Variants in CEP152 observed in about 807,000 individuals in gnomAD.
The protein encoded by CEP152 is centrosomal protein of 152 kDa.
CEP152 carries 132 observed loss-of-function variants against 188.9 expected under a neutral mutation model. That is an observed-to-expected ratio of 0.70 (90% confidence interval 0.61 to 0.81). CEP152 has a LOEUF of 0.81. Among genes scored for constraint, CEP152 ranks in the 30% least tolerant of loss-of-function variants. The pLI is 0.00. For synonymous variants in CEP152, 649 were observed against 666.6 expected, an observed-to-expected ratio of 0.97 and a Z score of 0.41; for missense variants, 1,914 against 1,969.8, an observed-to-expected ratio of 0.97 and a Z score of 0.54.
chr15:48,797,145 C>G (rs142009328), intron 5 of CEP152, among the ~76,000 whole-genome samples, 156 bp downstream of exon 5: 170 of 152,356 alleles, frequency 1.1e-3, no homozygotes, highest in African/African-American at 4.0e-3. Context: ...AATACCATGA[C>G]TAATTCACCA....
At chr15:48,768,128 C>T in intron 15 of CEP152, 91 bp downstream of exon 15, 1 of 789,124 alleles carries the variant, frequency 1.3e-6, no homozygotes, top group Non-Finnish European at 2.3e-6. Flanking sequence ...ATCACTCAAT[C>T]ATTTTGAATC....
intron 14 of CEP152, 101 bp downstream of exon 14, chr15:48,768,855 T>C: frequency 1.2e-6 from 1 of 853,686 alleles, no homozygotes; most frequent in Non-Finnish European, 1.8e-6. Context: ...ACTTGTCTAC[T>C]AACTCACATT....
chr15:48,780,540 T>G (rs1012366553), intron 12 of CEP152, among the ~76,000 whole-genome samples: 2 of 152,200 alleles, frequency 1.3e-5, no homozygotes, highest in Non-Finnish European at 2.9e-5. Flanking sequence ...CATCTTAAAC[T>G]ATAAACAAAA....
chr15:48,742,033 C>T lies in CEP152; in HGVS notation c.3903G>A (p.Leu1301=). Residue 1301 remains leucine (L), a synonymous_variant, in exon 25 of 27, where the codon CTG becomes CTA. Transcript: ENST00000380950. ...RAAEMVKAEV[L]RERQETARKM... ...TTCGGGCGGTTTCTTGACGTTCTCG[C>T]AGTACCTCTGCTTTTACCATTTCTG... The T allele has an allele frequency of 6.2e-7, 1 of 1,614,130 alleles. No homozygotes were observed. The highest frequency in any genetic ancestry group is 8.5e-7 in the Non-Finnish European group (1 of 1,180,010).
Position 48,767,400 on chromosome 15 carries a change from T to G in CEP152, c.2082A>C (p.Leu694Phe), listed in dbSNP as rs190580372. 3.1e-6 allele frequency: 5 copies of G among 1,614,192 alleles called. No homozygotes were observed. The East Asian group carries it at 1.1e-4, about 36-fold the overall frequency. The part of the protein sequence containing the change: ...AMKTQIRESL[L>F]AKHALEKQQL... ...GCTGCTTCTCCAAAGCATGCTTTGC[T>G]AATAGGCTTTCACGTATTTGAGTTT... Residue 694 changes from leucine (L) to phenylalanine (F), a missense_variant, in exon 16 of 27, where the codon TTA becomes TTC. Coordinates refer to ENST00000380950, the MANE Select transcript of CEP152 (RefSeq NM_001194998.2).
At chr15:48,783,002 T>C (rs535628118) in intron 10 of CEP152, among the ~76,000 whole-genome samples, 1 of 152,280 alleles carries the variant, frequency 6.6e-6, no homozygotes, top group Non-Finnish European at 1.5e-5. Context: ...ATTTAGGCAG[T>C]CTTTGACTTT....
In CEP152 at chr15:48,797,523, T is replaced by C. The variant is rs180930731; in HGVS notation, c.318A>G (p.Glu106=). The change falls in exon 5 of 27, where the codon GAA becomes GAG. Residue 106 remains glutamate (E), a synonymous_variant. Transcript: ENST00000380950. ...YAGEKCGNVW[E]ENRSKTEDRH... is the part of the protein sequence containing the mutation. ...GGTCTTCAGTTTTACTTCTATTTTC[T>C]TCCCAGACATTACCACATTTTTCTC... is the stretch of plus-strand genomic sequence containing the variant. 785 of 1,614,124 alleles carry C rather than the reference T, an allele frequency of 4.9e-4. 5 individuals are homozygous for C. The South Asian group carries it at 5.8e-3, about 12-fold the overall frequency.
chr15:48,772,619 T>C lies in CEP152; in HGVS notation c.1650A>G (p.Val550=), dbSNP rs370925576. The change falls in exon 13 of 27, where the codon GTA becomes GTG. Residue 550 remains valine, a synonymous_variant. Coordinates refer to ENST00000380950, the MANE Select transcript of CEP152 (RefSeq NM_001194998.2). ...DEFILKLKAE[V]QRLLGSNSMK... Reference sequence around the variant, plus strand: ...TTGAGTTGCTACCCAGCAAACGCTGTACTTCTGCCTTTAACTTCAGAATGA... The same window carrying C: ...TTGAGTTGCTACCCAGCAAACGCTGCACTTCTGCCTTTAACTTCAGAATGA... 63 of 1,614,028 alleles carry C rather than the reference T, an allele frequency of 3.9e-5. No homozygotes were observed. Among genetic ancestry groups the C allele is most frequent in the Non-Finnish European group, 5.1e-5 (60 of 1,180,034 alleles).
chr15:48,762,324 A>G, intron 18 of CEP152, 67 bp downstream of exon 18: 1 of 1,374,122 alleles, frequency 7.3e-7, no homozygotes, highest in Non-Finnish European at 1.0e-6. Context: ...CAATGATAGC[A>G]TTGTATGGGT....
At chr15:48,788,488 T>G (rs1896806269) in intron 9 of CEP152, among the ~76,000 whole-genome samples, 1 of 151,538 alleles carries the variant, frequency 6.6e-6, no homozygotes, top group African/African-American at 2.4e-5. Flanking sequence ...CACGCACCAC[T>G]GCGCCCGGCT....
chr15:48,788,962 T>C lies in CEP152; in HGVS notation c.1012A>G (p.Ser338Gly). 1 of 1,614,236 alleles carries C rather than the reference T, an allele frequency of 6.2e-7. No homozygotes were observed. Among genetic ancestry groups the C allele is most frequent in the Non-Finnish European group, 8.5e-7 (1 of 1,180,038 alleles). The change falls in exon 9 of 27, where the codon AGC becomes GGC. Residue 338 changes from serine (S) to glycine (G), a missense_variant. Physicochemically the swap from Ser to Gly is moderately conservative, Grantham distance 56 (BLOSUM62 0). Coordinates refer to ENST00000380950, the MANE Select transcript of CEP152 (RefSeq NM_001194998.2). ...AGGTCCACCAGCTGCTGCTTCAAGC[T>C]TTCCAGAGCCATTTCAGTTGTTCTG... ...KSRTTEMALESLKQQLVDLHH... is the reference protein window; with the variant it reads ...KSRTTEMALEGLKQQLVDLHH...
chr15:48,767,721 G>C (rs1895228504), intron 15 of CEP152, among the ~76,000 whole-genome samples: 1 of 152,140 alleles, frequency 6.6e-6, no homozygotes, highest in South Asian at 2.1e-4. Flanking sequence ...CCTTCAAATA[G>C]AGATAGTAAT....
intron 20 of CEP152, among the ~76,000 whole-genome samples, chr15:48,753,072 T>C (rs981716568): frequency 2.6e-5 from 4 of 152,204 alleles, no homozygotes; most frequent in African/African-American, 9.7e-5. Context: ...TTCACTAATA[T>C]TTATTGAACG....
In CEP152 at chr15:48,747,808, G is replaced by A. The variant is rs988007435; in HGVS notation, c.3634+635C>T. Among the ~76,000 whole-genome samples, 5 of 152,128 alleles carry A rather than the reference G, an allele frequency of 3.3e-5. No individual in the cohort carries two copies. In the South Asian group the frequency reaches 6.2e-4, roughly 19 times the overall value. ...AGCCCCAAAACTTCCCTTCTTCAGA[G>A]GGGCACTGGGAAATGGTAGAAAATA... On this transcript the variant is annotated intron_variant, in intron 22 of 26. Transcript: ENST00000380950.
In CEP152 at chr15:48,738,059, C is replaced by A; in HGVS notation, c.*190G>T. On this transcript the variant is annotated 3_prime_UTR_variant, in exon 27 of 27. Transcript: ENST00000380950. ...ACCACACAAAAGCAGATTATACATA[C>A]ACCATCAGGCCTTTGGAATATTAAG... 1 of 636,672 alleles carries A rather than the reference C, an allele frequency of 1.6e-6. No individual in the cohort carries two copies. Among genetic ancestry groups the A allele is most frequent in the Non-Finnish European group, 2.6e-6 (1 of 384,794 alleles). 39.4% of individuals were successfully genotyped at this position (636,672 alleles called of 1,614,324 possible).
At chr15:48,787,161 TCG>T (rs1896695161) in intron 9 of CEP152, among the ~76,000 whole-genome samples, 8 of 114,234 alleles carry the variant, frequency 7.0e-5, no homozygotes, top group African/African-American at 9.3e-5. Flanking sequence ...GGTATAGCCT[TCG>T]TTTTTTTTTT....
In CEP152 at chr15:48,796,136, G is replaced by A. The variant is rs749941482; in HGVS notation, c.565C>T (p.Pro189Ser). 5.6e-6 allele frequency: 9 copies of A among 1,613,756 alleles called. No individual in the cohort carries two copies. Among genetic ancestry groups the A allele is most frequent in the South Asian group, 1.1e-5 (1 of 91,082 alleles). The change falls in exon 6 of 27, where the codon CCG becomes TCG. Residue 189 changes from proline to serine, a missense_variant. Coordinates refer to ENST00000380950, the MANE Select transcript of CEP152 (RefSeq NM_001194998.2). ...GGTTTATATGTCACTTTATTATACG[G>A]TTCCAAACCTTGACAACTGGGACCC... ...FQGPSCQGLE[P>S]YNKVTYKPYQ...
At position 48,744,828 on chromosome 15, in the gene CEP152, T is replaced by TA. The variant is rs1439133498; in HGVS notation, c.3731+67dup. 3 of 1,436,170 alleles carry TA rather than the reference T, an allele frequency of 2.1e-6. No individual in the cohort carries two copies. In the African/African-American group the frequency reaches 4.4e-5, roughly 21 times the overall value. The allele number at this position is 1,436,170 out of a possible 1,614,324, so 89.0% of individuals were successfully genotyped here. Reference sequence around the variant, plus strand: ...CTGTATAACAAAAAAAATTGATACTTAAAAAAATTTAAAGATACTTGTACT... The same window carrying TA: ...CTGTATAACAAAAAAAATTGATACTTAAAAAAAATTTAAAGATACTTGTACT... On this transcript the variant is annotated intron_variant, in intron 23 of 26. Coordinates refer to ENST00000380950, the MANE Select transcript of CEP152 (RefSeq NM_001194998.2).
intron 21 of CEP152, among the ~76,000 whole-genome samples, chr15:48,749,127 A>C (rs1893690447): frequency 6.6e-6 from 1 of 152,172 alleles, no homozygotes; most frequent in Admixed American, 6.5e-5. Context: ...TGAATTATAA[A>C]GTATTAAAAA....
Sources: gnomAD v4.1 joint callset for allele counts (sites outside exome capture counted in the v4.1 genomes callset) on GRCh38, gnomAD v4.1.1 for gene constraint, MANE v1.5 for transcripts, NCBI Gene and HGNC (gene_info 2026-07-23, HGNC 2026-07-21) for gene names.